The following TEKT3 variants were observed in gnomAD, a reference collection of about 807,000 sequenced individuals.
TEKT3 encodes the protein tektin 3.
TEKT3 carries 49 observed loss-of-function variants against 49.8 expected under a neutral mutation model. That is an observed-to-expected ratio of 0.98 (90% CI 0.78 to 1.25). TEKT3 has a LOEUF of 1.25. Ranked by LOEUF, TEKT3 falls within the 50% of genes most tolerant of loss-of-function variation. The pLI, the probability that TEKT3 is intolerant of heterozygous loss-of-function variation, is 0.00. For synonymous variants in TEKT3, 225 were observed against 237.2 expected, an observed-to-expected ratio of 0.95 and a Z score of 0.47; for missense variants, 595 against 629.5, an observed-to-expected ratio of 0.95 and a Z score of 0.59.
chr17:15,320,066 C>A (rs1478791200), intron 4 of TEKT3, among the ~76,000 whole-genome samples: 2 of 152,068 alleles, frequency 1.3e-5, no homozygotes, highest in Non-Finnish European at 2.9e-5. Context: ...AGCCAAATTG[C>A]CTTTCAGAAA....
Position 15,314,217 on chromosome 17 carries a change from A to G in TEKT3, c.748T>C (p.Ser250Pro), listed in dbSNP as rs1910902643. ...AGGTCCTTTTCCAGCTCATGCTGGGACGCTCTGTTGGCTCTGCAATACAGA... is the reference window on the plus strand; with the variant it reads ...AGGTCCTTTTCCAGCTCATGCTGGGGCGCTCTGTTGGCTCTGCAATACAGA... Reference protein sequence around the residue: ...AIAQLAANRASQHELEKDLSD... With the variant: ...AIAQLAANRAPQHELEKDLSD... Residue 250 changes from serine to proline, a missense_variant, in exon 6 of 9, where the codon TCC becomes CCC. Ser to Pro is a moderately conservative substitution (Grantham distance 74). Transcript: ENST00000395930. The G allele has an allele frequency of 6.2e-7, 1 of 1,613,878 alleles. No individual in the cohort carries two copies. Among genetic ancestry groups the G allele is most frequent in the Admixed American group, 1.7e-5 (1 of 59,986 alleles).
In TEKT3 at chr17:15,306,081, T is replaced by TTATATATATA. The variant is rs142438638; in HGVS notation, c.1257-1930_1257-1929insTATATATATA. On this transcript the variant is annotated intron_variant, in intron 8 of 8. Coordinates refer to ENST00000395930, the MANE Select transcript of TEKT3 (RefSeq NM_031898.3). ...TACAAATAAAGCTACCACAGTTTAT[T>TTATATATATA]TATATATATGTGTGTGTGTGTGTGT... Among the ~76,000 whole-genome samples, 1,260 of 132,732 alleles carry TTATATATATA rather than the reference T, an allele frequency of 9.5e-3. 13 individuals are homozygous for TTATATATATA. The highest frequency in any genetic ancestry group is 0.015 in the Middle Eastern group (4 of 274). The allele number at this position is 132,732 out of a possible 152,430, so 87.1% of individuals were successfully genotyped here.
Position 15,312,441 on chromosome 17 carries a change from T to A in TEKT3, c.919A>T (p.Asn307Tyr). 6.2e-7 allele frequency: 1 copy of A among 1,614,148 alleles called. No homozygotes were observed. Among genetic ancestry groups the A allele is most frequent in the Non-Finnish European group, 8.5e-7 (1 of 1,180,024 alleles). The change falls in exon 7 of 9, where the codon AAT becomes TAT. Residue 307 changes from asparagine to tyrosine, a missense_variant. Coordinates refer to ENST00000395930, the MANE Select transcript of TEKT3 (RefSeq NM_031898.3). ...CGTTCACTCTGGGAGCGGAGAATAT[T>A]GTCATCTGTAAATTTGGCCCAGGAC... ...PESWAKFTDD[N>Y]ILRSQSERAA...
chr17:15,304,219 T>C lies in TEKT3; in HGVS notation c.1257-67A>G, dbSNP rs1255247060. 1.1e-5 allele frequency: 17 copies of C among 1,518,554 alleles called. No individual in the cohort carries two copies. The South Asian group carries it at 1.8e-4, about 16-fold the overall frequency. The allele number at this position is 1,518,554 out of a possible 1,614,324, so 94.1% of individuals were successfully genotyped here. On this transcript the variant is annotated intron_variant, in intron 8 of 8. Transcript: ENST00000395930. This position sits in a 1 kb window ranked among gnomAD's most constrained non-coding sequence, Gnocchi z 4.7. ...CTTACGCAACTCCAAGTACATCACATTGTAACCAGCGATGCAAAGCTCACA... is the reference window on the plus strand; with the variant it reads ...CTTACGCAACTCCAAGTACATCACACTGTAACCAGCGATGCAAAGCTCACA...
rs1910474783 is a variant in TEKT3, at chr17:15,304,782, C to T, written c.1257-630G>A. On this transcript the variant is annotated intron_variant, in intron 8 of 8. Coordinates refer to ENST00000395930, the MANE Select transcript of TEKT3 (RefSeq NM_031898.3). The surrounding 1 kb of genome is among the most constrained non-coding windows in gnomAD (Gnocchi z 4.7). ...AATTTCTCAGACCTCGAGGGCTTCA[C>T]TCTTGCTGTCCCCTAAGCTCAGAAT... Among the ~76,000 whole-genome samples, 2 of 152,194 alleles carry T rather than the reference C, an allele frequency of 1.3e-5. No individual in the cohort carries two copies. Among genetic ancestry groups the T allele is most frequent in the East Asian group, 3.9e-4 (2 of 5,194 alleles).
intron 2 of TEKT3, among the ~76,000 whole-genome samples, chr17:15,337,062 A>C (rs922205443): frequency 6.7e-6 from 1 of 149,412 alleles, no homozygotes; most frequent in African/African-American, 2.4e-5. Context: ...TTTTTGTTTC[A>C]GAAAAAAAAT....
Position 15,308,684 on chromosome 17 carries a change from G to T in TEKT3, c.1236C>A (p.Cys412Ter). ...ERTRRPNIEL[C>*]RDMAQLRLVN... ...CTTACCGTAGCTGAGCCATGTCTCGGCACAACTCAATGTTCGGCCGTCTTG... is the reference window on the plus strand; with the variant it reads ...CTTACCGTAGCTGAGCCATGTCTCGTCACAACTCAATGTTCGGCCGTCTTG... Residue 412 changes from cysteine to a stop codon, truncating the protein, a stop_gained, in exon 8 of 9, where the codon TGC becomes TGA. Transcript: ENST00000395930. LOFTEE classifies it high-confidence loss of function. 1.2e-6 allele frequency: 2 copies of T among 1,610,342 alleles called. No homozygotes were observed.
At chr17:15,340,634 G>C (rs1912186810) in intron 1 of TEKT3, 1 of 152,192 alleles carries the variant, frequency 6.6e-6, no homozygotes, top group South Asian at 2.1e-4. Context: ...GCTAAATTCT[G>C]TTGGTTAATA....
At chr17:15,343,377 TTG>T (rs1334557931), upstream of TEKT3, among the ~76,000 whole-genome samples, 2 of 152,158 alleles carry the variant, frequency 1.3e-5, no homozygotes, top group Non-Finnish European at 2.9e-5. Flanking sequence ...TCAAAAAAAA[TTG>T]TCTCATGATT....
chr17:15,325,344 C>A (rs1243955032), intron 4 of TEKT3, among the ~76,000 whole-genome samples: 1 of 152,038 alleles, frequency 6.6e-6, no homozygotes, highest in African/African-American at 2.4e-5. Context: ...AGAAATATTG[C>A]CATCTTAACA....
At chr17:15,305,982 T>C in intron 8 of TEKT3, among the ~76,000 whole-genome samples, 1 of 152,092 alleles carries the variant, frequency 6.6e-6, no homozygotes, top group African/African-American at 2.4e-5. Flanking sequence ...AGAGCTGTTC[T>C]GCTGAAGTCA....
Position 15,333,039 on chromosome 17 carries a change from T to A in TEKT3, c.-29-1425A>T, listed in dbSNP as rs78316370. 7.6e-4 allele frequency among the ~76,000 whole-genome samples: 113 copies of A among 149,218 alleles called. 2 individuals carry two copies. In the East Asian group the frequency reaches 0.022, roughly 30 times the overall value. The stretch of plus-strand genomic sequence containing the variant: ...TGTAGATCTTTTTTTTTTTTTTAAC[T>A]TAAGTATATTTTCTGGGCCACTCCC... On this transcript the variant is annotated intron_variant, in intron 2 of 8. Coordinates refer to ENST00000395930, the MANE Select transcript of TEKT3 (RefSeq NM_031898.3).
At chr17:15,321,740 G>A (rs544832238) in intron 4 of TEKT3, among the ~76,000 whole-genome samples, 1 of 152,322 alleles carries the variant, frequency 6.6e-6, no homozygotes, top group Admixed American at 6.5e-5. Context: ...ACTTCATTGA[G>A]CTTCTCAGAT....
chr17:15,333,012 A>G (rs1911831084), intron 2 of TEKT3, among the ~76,000 whole-genome samples: 1 of 150,566 alleles, frequency 6.6e-6, no homozygotes, highest in South Asian at 2.1e-4. Flanking sequence ...TTGATATATC[A>G]TTGTAGATCT....
In TEKT3 at chr17:15,330,925, A is replaced by T. The variant is rs1911698502; in HGVS notation, c.579+82T>A. ...GCTTCAACAGATGAAGTAAAACATA[A>T]GTCAATAAATAAATAACCACAGTAA... On this transcript the variant is annotated intron_variant, in intron 3 of 8. Transcript: ENST00000395930. 17 of 1,350,040 alleles carry T rather than the reference A, an allele frequency of 1.3e-5. No homozygotes were observed. The South Asian group carries it at 1.5e-4, about 12-fold the overall frequency. The allele number at this position is 1,350,040 out of a possible 1,614,324, so 83.6% of individuals were successfully genotyped here. A position where few individuals can be genotyped will look rare whatever the true frequency, so the allele number is the denominator to read the frequency against.
chr17:15,314,065 C>A (rs765774806), intron 6 of TEKT3, 22 bp downstream of exon 6: 1 of 1,614,122 alleles, frequency 6.2e-7, no homozygotes. Flanking sequence ...GAAATCACAG[C>A]CGTGGCGTGT....
At chr17:15,323,864 C>T (rs1455754244) in intron 4 of TEKT3, among the ~76,000 whole-genome samples, 1 of 152,178 alleles carries the variant, frequency 6.6e-6, no homozygotes, top group African/African-American at 2.4e-5. Context: ...AAAGGACCCC[C>T]CTGCTACTGA....
Position 15,325,961 on chromosome 17 carries a change from C to T in TEKT3, c.663+2031G>A, listed in dbSNP as rs376524676. 5.3e-5 allele frequency among the ~76,000 whole-genome samples: 8 copies of T among 152,264 alleles called. No individual in the cohort carries two copies. The East Asian group carries it at 5.8e-4, about 11-fold the overall frequency. On this transcript the variant is annotated intron_variant, in intron 4 of 8. Transcript: ENST00000395930. ...TGTTCTATTTCTAACCACTCCTGTC[C>T]GGCAATAGGGACAGTGACTTTTACA...
chr17:15,323,340 C>A (rs545530093), intron 4 of TEKT3, among the ~76,000 whole-genome samples: 1 of 152,312 alleles, frequency 6.6e-6, no homozygotes, highest in Admixed American at 6.5e-5. Flanking sequence ...AGGCCCAGAG[C>A]CCCAGCCTGA....
Sources: gnomAD v4.1 joint callset for allele counts (sites outside exome capture counted in the v4.1 genomes callset) on GRCh38, gnomAD v4.1.1 for gene constraint, Gnocchi (gnomAD v3.1) non-coding constraint, MANE v1.5 for transcripts, NCBI Gene and HGNC (gene_info 2026-07-23, HGNC 2026-07-21) for gene names.